RBM6: variants seen among roughly 807,000 people sequenced by gnomAD.
The protein encoded by RBM6 is RNA-binding protein 6.
RBM6 carries 23 observed loss-of-function variants against 140.4 expected under a neutral mutation model. The ratio of observed to expected loss-of-function variants is 0.16; its 90% CI spans 0.12 to 0.23. The LOEUF is 0.23. Ranked by LOEUF, RBM6 falls within the 10% of genes least tolerant of loss-of-function variation. The probability of loss-of-function intolerance (pLI) is 1.00; values close to 1 mark genes in which losing one functional copy is unlikely to be tolerated. For synonymous variants in RBM6, 439 were observed against 475.6 expected (o/e 0.92, Z 1.00); for missense variants, 1,139 against 1,386.7 (o/e 0.82, Z 2.84).
intron 11 of RBM6, 75 bp from the exon 12 acceptor site, chr3:50,060,881 A>AGGAACTG (rs1245616154): frequency 1.4e-6 from 2 of 1,420,910 alleles, no homozygotes; most frequent in Non-Finnish European, 1.9e-6. Context: ...ATTTCTCGAT[A>AGGAACTG]GGAACTGTAG....
intron 6 of RBM6, among the ~76,000 whole-genome samples, chr3:50,001,858 G>A (rs1382073079): frequency 3.3e-5 from 5 of 152,208 alleles, no homozygotes; most frequent in Non-Finnish European, 5.9e-5. Flanking sequence ...ATAGCTGAGT[G>A]CTATAAAGAA....
chr3:49,975,454 C>T, intron 5 of RBM6, 62 bp downstream of exon 5: 1 of 1,333,700 alleles, frequency 7.5e-7, no homozygotes, highest in Non-Finnish European at 1.1e-6. Flanking sequence ...ATCTCTGCAT[C>T]ATGTGCTACT....
At chr3:49,948,093 C>A (rs1240761715) in intron 1 of RBM6, among the ~76,000 whole-genome samples, 1 of 151,756 alleles carries the variant, frequency 6.6e-6, no homozygotes, top group African/African-American at 2.4e-5. Context: ...ACATGAGAAT[C>A]TGTCTTAAAA....
At chr3:49,969,258 C>A (rs908174149) in intron 3 of RBM6, among the ~76,000 whole-genome samples, 7 of 148,716 alleles carry the variant, frequency 4.7e-5, no homozygotes, top group Admixed American at 4.7e-4. Context: ...CTCCTGACCT[C>A]GTGATCCGCC....
At chr3:50,033,166 G>A (rs1213016516) in intron 6 of RBM6, among the ~76,000 whole-genome samples, 5 of 151,910 alleles carry the variant, frequency 3.3e-5, no homozygotes, top group African/African-American at 1.2e-4. Context: ...GCATGGTGGT[G>A]CATACCGGTA....
chr3:50,040,256 C>T (rs922416131), intron 6 of RBM6, among the ~76,000 whole-genome samples: 2 of 151,714 alleles, frequency 1.3e-5, no homozygotes, highest in African/African-American at 2.4e-5. Flanking sequence ...ACCATCCTGG[C>T]TAACACGGTG....
At chr3:50,057,171 A>G (rs1190924312) in intron 8 of RBM6, among the ~76,000 whole-genome samples, 1 of 152,192 alleles carries the variant, frequency 6.6e-6, no homozygotes, top group Admixed American at 6.5e-5. Context: ...ATAAGATTAC[A>G]TTTTTTAAAT....
chr3:50,023,691 C>G (rs2108801502), intron 6 of RBM6, among the ~76,000 whole-genome samples: 1 of 123,542 alleles, frequency 8.1e-6, no homozygotes, highest in South Asian at 2.7e-4. Context: ...CAGATTCTTG[C>G]TCTGTCACCC....
chr3:50,056,301 C>CT (rs1020071256), intron 8 of RBM6, among the ~76,000 whole-genome samples: 143 of 144,916 alleles, frequency 9.9e-4, no homozygotes, highest in South Asian at 4.1e-3. Flanking sequence ...TGTTTTTTTT[C>CT]TTTTTTTTTT....
At chr3:50,025,971 G>GT (rs1393368353) in intron 6 of RBM6, among the ~76,000 whole-genome samples, 1 of 152,148 alleles carries the variant, frequency 6.6e-6, no homozygotes, top group Non-Finnish European at 1.5e-5. Flanking sequence ...GCAGACGCCT[G>GT]TAATCCCAGC....
intron 6 of RBM6, among the ~76,000 whole-genome samples, chr3:50,020,892 A>G (rs1267760078): frequency 6.6e-6 from 1 of 152,190 alleles, no homozygotes; most frequent in Non-Finnish European, 1.5e-5. Flanking sequence ...GTTGACTGAG[A>G]TGTCATTATA....
chr3:49,981,262 A>T (rs754232632), intron 5 of RBM6, among the ~76,000 whole-genome samples: 9 of 152,194 alleles, frequency 5.9e-5, no homozygotes, highest in Non-Finnish European at 1.2e-4. Context: ...TCAACAGCTT[A>T]TGTCAAGTAA....
chr3:50,042,228 G>T (rs985693859), intron 6 of RBM6, among the ~76,000 whole-genome samples: 22 of 152,186 alleles, frequency 1.4e-4, no homozygotes, highest in Admixed American at 1.2e-3. Context: ...TTTTCAATGT[G>T]AGTTGTATTC....
chr3:50,034,152 T>G (rs920985500), intron 6 of RBM6, among the ~76,000 whole-genome samples: 3 of 151,480 alleles, frequency 2.0e-5, no homozygotes, highest in Non-Finnish European at 4.4e-5. Context: ...CTCAGCTAAT[T>G]TTTGTGTTTT....
intron 6 of RBM6, among the ~76,000 whole-genome samples, chr3:50,029,489 C>T (rs927075715): frequency 9.9e-5 from 15 of 152,180 alleles, no homozygotes; most frequent in South Asian, 2.1e-4. Context: ...CATCCCAGCA[C>T]TTTGGGAGGC....
At chr3:50,030,486 C>CT (rs2088093431) in intron 6 of RBM6, among the ~76,000 whole-genome samples, 1 of 152,026 alleles carries the variant, frequency 6.6e-6, no homozygotes, top group African/African-American at 2.4e-5. Flanking sequence ...CCACTACCTA[C>CT]TTTTTTCCTA....
At chr3:49,952,452 A>C (rs888496591) in intron 1 of RBM6, among the ~76,000 whole-genome samples, 1 of 150,868 alleles carries the variant, frequency 6.6e-6, no homozygotes, top group Non-Finnish European at 1.5e-5. Context: ...AGACATGAGC[A>C]CTGTGCCCAG....
At chr3:49,982,120 A>G (rs2085330916) in intron 5 of RBM6, among the ~76,000 whole-genome samples, 1 of 152,192 alleles carries the variant, frequency 6.6e-6, no homozygotes, top group South Asian at 2.1e-4. Context: ...CAGTCTCTGT[A>G]TTCTTGGGAA....
At chr3:50,069,593 G>A (rs1266846744) in intron 18 of RBM6, among the ~76,000 whole-genome samples, 3 of 151,882 alleles carry the variant, frequency 2.0e-5, no homozygotes, top group Admixed American at 1.3e-4. Flanking sequence ...AGGAGGCTGA[G>A]GTGGGAGAAT....
Sources: gnomAD v4.1 joint callset for allele counts (sites outside exome capture counted in the v4.1 genomes callset) on GRCh38, gnomAD v4.1.1 for gene constraint, MANE v1.5 for transcripts, NCBI Gene and HGNC (gene_info 2026-07-23, HGNC 2026-07-21) for gene names.